SLC9A8: variants seen among roughly 807,000 people sequenced by gnomAD.
The protein encoded by SLC9A8 is solute carrier family 9 member A8, also known as sodium/hydrogen exchanger 8.
SLC9A8 carries 48 observed loss-of-function variants against 66.6 expected under a neutral mutation model. That is an observed-to-expected ratio of 0.72 (90% CI 0.57 to 0.92). The LOEUF is 0.92. SLC9A8 is among the 40% of genes least tolerant of loss of function. The pLI is 0.00. For missense variants in SLC9A8, 599 were observed against 747.3 expected, an observed-to-expected ratio of 0.80 and a Z score of 2.31; for synonymous variants, 274 against 282.6, an observed-to-expected ratio of 0.97 and a Z score of 0.31.
chr20:49,846,393 G>A (rs1471761797), intron 5 of SLC9A8, among the ~76,000 whole-genome samples: 1 of 151,618 alleles, frequency 6.6e-6, no homozygotes, highest in African/African-American at 2.4e-5. Context: ...ACACAACACA[G>A]ATCTAATCAT....
At chr20:49,878,832 A>G (rs2089524720) in intron 12 of SLC9A8, among the ~76,000 whole-genome samples, 1 of 152,152 alleles carries the variant, frequency 6.6e-6, no homozygotes, top group Non-Finnish European at 1.5e-5. Flanking sequence ...AGCCTGGCAA[A>G]CATGGTGAAA....
chr20:49,832,788 G>A (rs917589248), intron 3 of SLC9A8, among the ~76,000 whole-genome samples: 1 of 151,744 alleles, frequency 6.6e-6, no homozygotes, highest in Non-Finnish European at 1.5e-5. Context: ...GGGGGTGGGG[G>A]TGGAGGAAGA....
At chr20:49,857,986 A>G (rs901171002) in intron 8 of SLC9A8, among the ~76,000 whole-genome samples, 2 of 152,216 alleles carry the variant, frequency 1.3e-5, no homozygotes. Context: ...AAATTTAGGA[A>G]ATACACAAGC....
rs1412903840 is a variant in SLC9A8 at position 49,891,953 on chromosome 20, TTTTTG to T, written c.*4022_*4026del. On this transcript the variant is annotated 3_prime_UTR_variant, in exon 16 of 16. Transcript: ENST00000361573. ...CTTTGTAAAAATGACGAGTGCTGGG[TTTTTG>T]TTTTAAGAAGCATTATGAAGGCCAG... 5.9e-5 allele frequency: 9 copies of T among 152,192 alleles called. No individual in the cohort carries two copies. Among genetic ancestry groups the T allele is most frequent in the Admixed American group, 5.9e-4 (9 of 15,282 alleles). The allele number at this position is 152,192 out of a possible 1,614,324, so 9.4% of individuals were successfully genotyped here.
At chr20:49,867,238 C>T (rs2089008910) in intron 10 of SLC9A8, among the ~76,000 whole-genome samples, 1 of 152,134 alleles carries the variant, frequency 6.6e-6, no homozygotes, top group Admixed American at 6.6e-5. Context: ...GAGTTCTGGA[C>T]TTTTCTTTTA....
At chr20:49,861,681 G>A (rs918933272) in intron 8 of SLC9A8, among the ~76,000 whole-genome samples, 1 of 152,100 alleles carries the variant, frequency 6.6e-6, no homozygotes, top group Non-Finnish European at 1.5e-5. Flanking sequence ...AGAAGGGAAT[G>A]GATTTGAGAG....
chr20:49,874,263 C>CA (rs1600789515), intron 10 of SLC9A8, among the ~76,000 whole-genome samples: 3 of 151,132 alleles, frequency 2.0e-5, no homozygotes, highest in Non-Finnish European at 4.4e-5. Flanking sequence ...TGTCCCCCCC[C>CA]CAAAAAAAAG....
Position 49,864,807 on chromosome 20 carries a change from T to TGG in SLC9A8, c.921_922insGG (p.Leu308GlyfsTer24). The TGG allele has an allele frequency of 1.2e-6, 2 of 1,614,084 alleles. No individual in the cohort carries two copies. The highest frequency in any genetic ancestry group is 1.7e-6 in the Non-Finnish European group (2 of 1,179,908). ...TTGGCATGATGATCATTTTTGCTTA[T>TGG]CTGCCTTATGGGCTTGCAGAAGGAA... On this transcript the variant is annotated frameshift_variant, in exon 10 of 16. Coordinates refer to ENST00000361573, the MANE Select transcript of SLC9A8 (RefSeq NM_015266.3). LOFTEE classifies it high-confidence loss of function.
chr20:49,851,773 A>G (rs750455737), intron 7 of SLC9A8, among the ~76,000 whole-genome samples: 12 of 152,228 alleles, frequency 7.9e-5, no homozygotes, highest in Non-Finnish European at 1.6e-4. Context: ...TACATAAACA[A>G]GTAGTCCTAT....
chr20:49,860,128 T>A (rs1255903777), intron 8 of SLC9A8, among the ~76,000 whole-genome samples: 4 of 152,150 alleles, frequency 2.6e-5, no homozygotes, highest in Non-Finnish European at 5.9e-5. Context: ...CAGATCCATT[T>A]TTGGGAACTA....
chr20:49,866,947 T>C (rs2088995247), intron 10 of SLC9A8, among the ~76,000 whole-genome samples: 1 of 152,232 alleles, frequency 6.6e-6, no homozygotes. Context: ...AGCAGATCCC[T>C]TTAGGTTATT....
intron 3 of SLC9A8, chr20:49,831,054 T>C: frequency 1.4e-6 from 1 of 708,648 alleles, no homozygotes; most frequent in African/African-American, 1.7e-5. Flanking sequence ...TCCAACAATA[T>C]GTCCGCTGTG....
At chr20:49,813,079 C>G in intron 1 of SLC9A8, 131 bp downstream of exon 1, 5 of 562,840 alleles carry the variant, frequency 8.9e-6, no homozygotes, top group Non-Finnish European at 1.3e-5. Flanking sequence ...ACTGACCAAG[C>G]CGGTGCCTAC....
intron 3 of SLC9A8, among the ~76,000 whole-genome samples, chr20:49,831,885 C>A (rs532622474): frequency 6.6e-6 from 1 of 152,366 alleles, no homozygotes; most frequent in South Asian, 2.1e-4. Flanking sequence ...ACCCCAGACA[C>A]CACTGCCACA....
intron 7 of SLC9A8, among the ~76,000 whole-genome samples, chr20:49,854,997 T>C (rs1219942377): frequency 6.6e-6 from 1 of 152,216 alleles, no homozygotes; most frequent in Non-Finnish European, 1.5e-5. Flanking sequence ...TTTGACACTT[T>C]CTTAGATCTT....
chr20:49,834,310 GTGTGTATATATATA>G (rs2087368393), intron 3 of SLC9A8, among the ~76,000 whole-genome samples: 1 of 114,686 alleles, frequency 8.7e-6, no homozygotes. Context: ...TATATATACA[GTGTGTATATATATA>G]TATACTGTGT....
At chr20:49,876,367 C>T (rs913867272) in intron 11 of SLC9A8, among the ~76,000 whole-genome samples, 2 of 152,092 alleles carry the variant, frequency 1.3e-5, no homozygotes, top group African/African-American at 4.8e-5. Flanking sequence ...TTGATAATAC[C>T]CACTTCTGGC....
chr20:49,818,600 C>T (rs1445260372), intron 2 of SLC9A8, among the ~76,000 whole-genome samples: 2 of 151,506 alleles, frequency 1.3e-5, no homozygotes, highest in East Asian at 3.9e-4. Flanking sequence ...AAGTGATTCT[C>T]CTGCCTCAGC....
Position 49,845,055 on chromosome 20 carries a change from CA to C in SLC9A8, c.371del (p.Asn124ThrfsTer45). The C allele has an allele frequency of 6.2e-7, 1 of 1,612,318 alleles. No homozygotes were observed. Among genetic ancestry groups the C allele is most frequent in the Non-Finnish European group, 8.5e-7 (1 of 1,178,484 alleles). On this transcript the variant is annotated frameshift_variant, in exon 5 of 16. Transcript: ENST00000361573. LOFTEE classifies it high-confidence loss of function. The part of the protein sequence containing the change: ...ANWKEEEMFR[P>X]NMFFLLLLPP... ...TTACAGGAAGAAGAAATGTTTCGTC[CA>C]AACATGTTTTTCCTCCTCCTGCTTC...
Sources: allele counts gnomAD v4.1 joint callset (sites outside exome capture counted in the v4.1 genomes callset), GRCh38; gene constraint gnomAD v4.1.1; transcripts MANE v1.5; gene names NCBI Gene and HGNC (gene_info 2026-07-23, HGNC 2026-07-21).